The following SGCZ variants were observed in gnomAD, a reference collection of about 807,000 sequenced individuals.
The protein encoded by SGCZ is sarcoglycan zeta, also known as zeta-sarcoglycan.
SGCZ carries 40 observed loss-of-function variants against 41.3 expected under a neutral mutation model. That is an observed-to-expected ratio of 0.97 (90% CI 0.75 to 1.26). SGCZ has a LOEUF of 1.26. SGCZ is among the 50% of genes most tolerant of loss of function. SGCZ has a pLI of 0.00. For missense variants in SGCZ, 552 were observed against 369.8 expected (o/e 1.49, Z -4.04); for synonymous variants, 206 against 137.5 (o/e 1.50, Z -3.49).
intron 1 of SGCZ, among the ~76,000 whole-genome samples, chr8:15,042,253 C>G (rs1222098339): frequency 2.0e-5 from 3 of 152,272 alleles, no homozygotes; most frequent in African/African-American, 7.2e-5. Flanking sequence ...ACCAATGGAT[C>G]AGAAGAAAGC....
Position 14,341,700 on chromosome 8 carries a change from G to C in SGCZ, c.235-17496C>G, listed in dbSNP as rs567990294. Among the ~76,000 whole-genome samples the C allele has an allele frequency of 3.3e-5, 5 of 152,222 alleles. No homozygotes were observed. The East Asian group carries it at 9.7e-4, about 29-fold the overall frequency. ...CAAGAGGAAGTAATTGAATCATGGG[G>C]GCCAGTCATTCCTGTGCTATTCTTG... On this transcript the variant is annotated intron_variant, in intron 2 of 7. Coordinates refer to ENST00000382080, the MANE Select transcript of SGCZ (RefSeq NM_139167.4).
chr8:14,328,791 C>A (rs148232226), intron 2 of SGCZ, among the ~76,000 whole-genome samples: 1 of 152,228 alleles, frequency 6.6e-6, no homozygotes, highest in African/African-American at 2.4e-5. Context: ...GAGGTGGAGG[C>A]TTTAAGACAT....
chr8:15,057,399 GAAGAA>G (rs1354514160), intron 1 of SGCZ, among the ~76,000 whole-genome samples: 2 of 152,148 alleles, frequency 1.3e-5, no homozygotes, highest in Non-Finnish European at 1.5e-5. Context: ...GTCTTTCTAT[GAAGAA>G]AAGAAAAGAT....
At chr8:14,948,060 C>T (rs901298116) in intron 1 of SGCZ, among the ~76,000 whole-genome samples, 3 of 152,188 alleles carry the variant, frequency 2.0e-5, no homozygotes, top group Admixed American at 6.5e-5. Context: ...AGAAGAGAAG[C>T]TTCCACAGAC....
At chr8:14,115,130 G>A (rs920217224) in intron 5 of SGCZ, among the ~76,000 whole-genome samples, 4 of 151,802 alleles carry the variant, frequency 2.6e-5, no homozygotes, top group African/African-American at 9.7e-5. Context: ...ATATTCTCAG[G>A]AAATAGTTAA....
intron 1 of SGCZ, among the ~76,000 whole-genome samples, chr8:14,632,242 T>G (rs181184739): frequency 2.0e-5 from 3 of 152,104 alleles, no homozygotes; most frequent in Admixed American, 6.6e-5. Context: ...ACGCTTGTCT[T>G]GAACTCCTGA....
At chr8:14,156,547 T>A (rs946415482) in intron 5 of SGCZ, among the ~76,000 whole-genome samples, 6 of 152,224 alleles carry the variant, frequency 3.9e-5, no homozygotes, top group Non-Finnish European at 2.9e-5. Flanking sequence ...TTTAATATTA[T>A]GTAATTTTTA....
intron 4 of SGCZ, among the ~76,000 whole-genome samples, chr8:14,221,528 C>T (rs1333683366): frequency 6.6e-6 from 1 of 152,180 alleles, no homozygotes; most frequent in East Asian, 1.9e-4. Context: ...CAGTAACTTA[C>T]ATATTGCAGT....
In SGCZ at chr8:14,801,654, T is replaced by A. The variant is rs376543276; in HGVS notation, c.40-246728A>T. On this transcript the variant is annotated intron_variant, in intron 1 of 7. Coordinates refer to ENST00000382080, the MANE Select transcript of SGCZ (RefSeq NM_139167.4). ...TAAATGTGAGGAAATTATTATAGAC[T>A]TGCATTTGGAGTTGGGGGAAAATCA... 3.8e-4 allele frequency among the ~76,000 whole-genome samples: 58 copies of A among 152,232 alleles called. No homozygotes were observed. The Middle Eastern group carries it at 0.01, about 27-fold the overall frequency.
At chr8:14,210,332 T>A (rs1364321649) in intron 4 of SGCZ, among the ~76,000 whole-genome samples, 1 of 152,126 alleles carries the variant, frequency 6.6e-6, no homozygotes, top group Non-Finnish European at 1.5e-5. Flanking sequence ...GTGCTGGGAT[T>A]ACAAGGGTGA....
intron 1 of SGCZ, among the ~76,000 whole-genome samples, chr8:14,981,737 G>T (rs1292105036): frequency 6.6e-6 from 1 of 152,092 alleles, no homozygotes; most frequent in African/African-American, 2.4e-5. Flanking sequence ...ACAATTAATA[G>T]CTCCGCTTAT....
Position 14,928,972 on chromosome 8 carries a change from ATTAT to A in SGCZ, c.39+308609_39+308612del, listed in dbSNP as rs201081230. On this transcript the variant is annotated intron_variant, in intron 1 of 7. Transcript: ENST00000382080. ...ATGAAATTCATGACTGCATTTTTAAATTATTTATTTATTTATTTACTTACTTATT... is the reference window on the plus strand; with the variant it reads ...ATGAAATTCATGACTGCATTTTTAAATTATTTATTTATTTACTTACTTATT... Among the ~76,000 whole-genome samples, 188 of 152,104 alleles carry A rather than the reference ATTAT, an allele frequency of 1.2e-3. 2 individuals carry two copies. The highest frequency in any genetic ancestry group is 3.8e-3 in the African/African-American group (157 of 41,498).
intron 3 of SGCZ, among the ~76,000 whole-genome samples, chr8:14,253,243 G>GGTGTGTGTGTGTGT (rs10681510): frequency 1.6e-3 from 241 of 148,946 alleles, no homozygotes; most frequent in African/African-American, 5.4e-3. Flanking sequence ...TTGTGTGTAG[G>GGTGTGTGTGTGTGT]GTGTGTGTGT....
At chr8:14,351,919 C>T (rs1803111908) in intron 2 of SGCZ, among the ~76,000 whole-genome samples, 1 of 152,026 alleles carries the variant, frequency 6.6e-6, no homozygotes. Context: ...AACACGGACA[C>T]TTTGTTTAAT....
intron 1 of SGCZ, among the ~76,000 whole-genome samples, chr8:15,198,370 T>G (rs117334849): frequency 6.6e-6 from 1 of 152,046 alleles, no homozygotes; most frequent in Non-Finnish European, 1.5e-5. Context: ...TTCTTTTATA[T>G]AATAAATATG....
intron 1 of SGCZ, among the ~76,000 whole-genome samples, chr8:14,857,487 A>G (rs1340720352): frequency 1.3e-5 from 2 of 152,200 alleles, no homozygotes; most frequent in African/African-American, 4.8e-5. Context: ...CAAGACTAGT[A>G]TTAAAACTAT....
intron 2 of SGCZ, among the ~76,000 whole-genome samples, chr8:14,391,271 T>C (rs1804760265): frequency 6.6e-6 from 1 of 152,180 alleles, no homozygotes; most frequent in Non-Finnish European, 1.5e-5. Context: ...TTCTGACAGT[T>C]AAAACTTCTT....
intron 2 of SGCZ, among the ~76,000 whole-genome samples, chr8:14,538,860 G>T (rs545744845): frequency 1.3e-5 from 2 of 151,938 alleles, no homozygotes; most frequent in African/African-American, 4.8e-5. Context: ...CATTCTAGAT[G>T]GTTCCCTCTA....
intron 1 of SGCZ, among the ~76,000 whole-genome samples, chr8:14,890,641 A>G (rs1804976587): frequency 6.6e-6 from 1 of 152,232 alleles, no homozygotes; most frequent in Non-Finnish European, 1.5e-5. Context: ...TAAGCTATCC[A>G]GAAGATCTAG....
Sources: allele counts gnomAD v4.1 joint callset (sites outside exome capture counted in the v4.1 genomes callset), GRCh38; gene constraint gnomAD v4.1.1; transcripts MANE v1.5; gene names NCBI Gene and HGNC (gene_info 2026-07-23, HGNC 2026-07-21).